EYS: variants seen among roughly 807,000 people sequenced by gnomAD.
EYS encodes protein eyes shut homolog.
Under a neutral mutation model 282.1 loss-of-function variants are expected in EYS, and 250 were observed. That is an observed-to-expected ratio of 0.89 (90% CI 0.80 to 0.98). The LOEUF is 0.98. EYS is among the 50% of genes least tolerant of loss of function. The pLI, the probability that EYS is intolerant of heterozygous loss-of-function variation, is 0.00. For missense variants in EYS, 4,016 were observed against 3,709.0 expected, an observed-to-expected ratio of 1.08 and a Z score of -2.15; for synonymous variants, 1,355 against 1,282.9, an observed-to-expected ratio of 1.06 and a Z score of -1.20.
intron 26 of EYS, among the ~76,000 whole-genome samples, chr6:64,550,452 C>T (rs952911618): frequency 9.9e-5 from 15 of 152,122 alleles, no homozygotes; most frequent in Admixed American, 6.6e-4. Context: ...GATGGTATCT[C>T]ATTGTGGTTT....
chr6:65,063,636 G>A (rs979648205), intron 12 of EYS, among the ~76,000 whole-genome samples: 2 of 152,156 alleles, frequency 1.3e-5, no homozygotes, highest in Middle Eastern at 3.4e-3. Context: ...AATTAAATGA[G>A]GTAGAAATCT....
intron 22 of EYS, among the ~76,000 whole-genome samples, chr6:64,650,306 TA>T (rs1295132786): frequency 1.3e-5 from 2 of 151,930 alleles, no homozygotes; most frequent in Non-Finnish European, 2.9e-5. Flanking sequence ...AAAATTATAT[TA>T]ATAAAAGTGG....
At chr6:63,840,867 G>A (rs1399583433) in intron 36 of EYS, among the ~76,000 whole-genome samples, 1 of 152,026 alleles carries the variant, frequency 6.6e-6, no homozygotes, top group Non-Finnish European at 1.5e-5. Flanking sequence ...ATTTATTTCT[G>A]GGGGAATCTA....
At chr6:65,383,751 T>G (rs1765702395) in intron 8 of EYS, among the ~76,000 whole-genome samples, 1 of 151,898 alleles carries the variant, frequency 6.6e-6, no homozygotes, top group Admixed American at 6.6e-5. Flanking sequence ...TTTGTAAGTA[T>G]TAATACATAT....
intron 1 of EYS, among the ~76,000 whole-genome samples, chr6:65,691,840 C>A (rs1259844762): frequency 6.7e-6 from 1 of 150,162 alleles, no homozygotes; most frequent in Admixed American, 6.7e-5. Context: ...AAATAGGGAA[C>A]CCTTTTCCCA....
intron 35 of EYS, among the ~76,000 whole-genome samples, chr6:63,922,776 G>A (rs760652518): frequency 1.2e-4 from 18 of 152,180 alleles, no homozygotes; most frequent in Non-Finnish European, 2.5e-4. Flanking sequence ...ATTTTATAAA[G>A]CTATCTAAAG....
chr6:64,096,089 T>C (rs930347787), intron 31 of EYS, among the ~76,000 whole-genome samples: 2 of 152,230 alleles, frequency 1.3e-5, no homozygotes, highest in African/African-American at 4.8e-5. Flanking sequence ...CCCCACTCTC[T>C]TCTGGCTTGT....
intron 31 of EYS, among the ~76,000 whole-genome samples, chr6:64,157,602 T>C (rs1355749545): frequency 1.3e-5 from 2 of 152,150 alleles, no homozygotes; most frequent in African/African-American, 4.8e-5. Flanking sequence ...AGGGACTTGG[T>C]GCCCTGCATC....
chr6:65,490,788 A>G (rs1376726761), intron 4 of EYS, 81 bp from the exon 5 acceptor site: 1 of 766,528 alleles, frequency 1.3e-6, no homozygotes, highest in Non-Finnish European at 2.3e-6. Context: ...TTTAATAATG[A>G]AAATATCAAA....
intron 35 of EYS, among the ~76,000 whole-genome samples, chr6:63,867,766 T>C (rs1454898034): frequency 6.6e-6 from 1 of 152,194 alleles, no homozygotes; most frequent in Non-Finnish European, 1.5e-5. Context: ...GGGACTCTCC[T>C]GAATGCGTTT....
At chr6:65,397,834 C>T (rs1233728359) in intron 7 of EYS, among the ~76,000 whole-genome samples, 9 of 151,950 alleles carry the variant, frequency 5.9e-5, no homozygotes, top group Non-Finnish European at 7.4e-5. Context: ...AATCTTCATA[C>T]TGTTTTCTAT....
At chr6:65,528,014 G>A (rs1767633940) in intron 2 of EYS, among the ~76,000 whole-genome samples, 1 of 152,138 alleles carries the variant, frequency 6.6e-6, no homozygotes, top group African/African-American at 2.4e-5. Flanking sequence ...TTAACTGAAT[G>A]GCTGAAAGTG....
At chr6:64,596,680 G>A (rs1298552270) in intron 24 of EYS, among the ~76,000 whole-genome samples, 3 of 152,050 alleles carry the variant, frequency 2.0e-5, no homozygotes, top group Non-Finnish European at 4.4e-5. Flanking sequence ...AACTAGACTC[G>A]TATCTCTCAC....
At chr6:64,157,857 T>C (rs1774981020) in intron 31 of EYS, among the ~76,000 whole-genome samples, 1 of 152,218 alleles carries the variant, frequency 6.6e-6, no homozygotes, top group Non-Finnish European at 1.5e-5. Context: ...AAGGGAAATG[T>C]GGGGTCGGAG....
chr6:64,335,525 C>T (rs1302759068), intron 29 of EYS, among the ~76,000 whole-genome samples: 3 of 152,102 alleles, frequency 2.0e-5, no homozygotes, highest in African/African-American at 7.2e-5. Context: ...ACGTAGTTCC[C>T]ACCTTAAGAT....
At chr6:65,487,037 T>A (rs1439341264) in intron 5 of EYS, among the ~76,000 whole-genome samples, 1 of 152,188 alleles carries the variant, frequency 6.6e-6, no homozygotes, top group Non-Finnish European at 1.5e-5. Context: ...ATCCTGAGAC[T>A]TTGCTGAAGT....
chr6:64,347,972 C>T (rs986640422), intron 29 of EYS, among the ~76,000 whole-genome samples: 1 of 151,290 alleles, frequency 6.6e-6, no homozygotes, highest in Admixed American at 6.6e-5. Context: ...GATAAAGATA[C>T]ACATTTTTGT....
intron 33 of EYS, among the ~76,000 whole-genome samples, chr6:64,022,406 A>G (rs1201669044): frequency 6.6e-6 from 1 of 152,230 alleles, no homozygotes; most frequent in Non-Finnish European, 1.5e-5. Flanking sequence ...GCGCTAAAAT[A>G]TATAACATAA....
intron 19 of EYS, among the ~76,000 whole-genome samples, chr6:64,857,136 T>C (rs1301686391): frequency 1.3e-5 from 2 of 152,230 alleles, no homozygotes; most frequent in African/African-American, 4.8e-5. Context: ...TTGATTTGTC[T>C]ATACTTCCAA....
Sources: gnomAD v4.1 joint callset for allele counts (sites outside exome capture counted in the v4.1 genomes callset) on GRCh38, gnomAD v4.1.1 for gene constraint, MANE v1.5 for transcripts, NCBI Gene and HGNC (gene_info 2026-07-23, HGNC 2026-07-21) for gene names.